CTXND2: variants seen among roughly 807,000 people sequenced by gnomAD.
The protein encoded by CTXND2 is cortexin domain containing 2.
rs587716831 is a variant in CTXND2 at position 150,906,018 on chromosome 1, G to A, written c.-73-6224G>A. ...AAAAAAAGAAGGATGAACTGGGGCC[G>A]GGTGTGGTGGCTCATGCCTATAATC... On this transcript the variant is annotated intron_variant, in intron 1 of 1. Transcript: ENST00000636087. Among the ~76,000 whole-genome samples, 15 of 151,864 alleles carry A rather than the reference G, an allele frequency of 9.9e-5. 1 individual carries two copies. Among genetic ancestry groups the A allele is most frequent in the Admixed American group, 3.9e-4 (6 of 15,214 alleles).
chr1:150,888,151 G>A (rs771135828), intron 1 of CTXND2, among the ~76,000 whole-genome samples: 22 of 151,612 alleles, frequency 1.5e-4, no homozygotes, highest in Non-Finnish European at 2.5e-4. Context: ...CTCAAGAAAA[G>A]CTATTTTGCA....
chr1:150,894,966 G>C (rs1016280165), intron 1 of CTXND2, among the ~76,000 whole-genome samples: 8 of 151,892 alleles, frequency 5.3e-5, no homozygotes, highest in African/African-American at 1.7e-4. Context: ...ACCAGGAGGA[G>C]GTTGTAGTGA....
chr1:150,900,592 C>T (rs903283134), intron 1 of CTXND2, among the ~76,000 whole-genome samples: 1 of 152,032 alleles, frequency 6.6e-6, no homozygotes, highest in Non-Finnish European at 1.5e-5. Context: ...AGGTTACAGT[C>T]AGCTGAGATT....
At chr1:150,899,800 A>T (rs1281864368) in intron 1 of CTXND2, among the ~76,000 whole-genome samples, 1 of 152,198 alleles carries the variant, frequency 6.6e-6, no homozygotes, top group African/African-American at 2.4e-5. Flanking sequence ...TACTAAAAAT[A>T]CAAAACACCA....
intron 1 of CTXND2, among the ~76,000 whole-genome samples, chr1:150,908,915 C>A (rs1434546622): frequency 6.6e-6 from 1 of 152,042 alleles, no homozygotes; most frequent in African/African-American, 2.4e-5. Flanking sequence ...CCACCGTGCC[C>A]AGCCCATTTT....
chr1:150,910,523 A>G (rs993208292), intron 1 of CTXND2, among the ~76,000 whole-genome samples: 3 of 152,148 alleles, frequency 2.0e-5, no homozygotes, highest in South Asian at 4.1e-4. Flanking sequence ...GCATGTGGCT[A>G]TCCAGTTGTC....
chr1:150,902,931 A>C (rs1669067328), intron 1 of CTXND2, among the ~76,000 whole-genome samples: 1 of 152,014 alleles, frequency 6.6e-6, no homozygotes, highest in African/African-American at 2.4e-5. Flanking sequence ...CCCCAAGAAA[A>C]CCTATTGCCT....
intron 1 of CTXND2, among the ~76,000 whole-genome samples, chr1:150,898,616 C>T (rs921107765): frequency 2.0e-5 from 3 of 150,414 alleles, no homozygotes; most frequent in Non-Finnish European, 3.0e-5. Context: ...ATTAGCTGGG[C>T]GTGGTGGTGC....
chr1:150,887,754 C>T (rs1223822735), intron 1 of CTXND2, among the ~76,000 whole-genome samples: 4 of 152,036 alleles, frequency 2.6e-5, no homozygotes, highest in African/African-American at 9.7e-5. Flanking sequence ...TTGCACTAAA[C>T]TTATGGCCAG....
chr1:150,903,755 G>A (rs1381794441), intron 1 of CTXND2: 8 of 340,736 alleles, frequency 2.3e-5, no homozygotes, highest in Non-Finnish European at 3.4e-5. Context: ...CAGAGATTGC[G>A]CCATTTTTGC....
At chr1:150,909,021 C>A (rs2102604286) in intron 1 of CTXND2, among the ~76,000 whole-genome samples, 1 of 152,022 alleles carries the variant, frequency 6.6e-6, no homozygotes, top group South Asian at 2.1e-4. Context: ...GGGCAGATCA[C>A]CTGAGGTCAG....
intron 1 of CTXND2, among the ~76,000 whole-genome samples, chr1:150,897,020 G>A (rs1161497733): frequency 1.3e-5 from 2 of 152,132 alleles, no homozygotes; most frequent in East Asian, 3.8e-4. Context: ...GAGAGGGGCA[G>A]GCAAAATTCA....
At chr1:150,895,362 G>A (rs1250302925) in intron 1 of CTXND2, among the ~76,000 whole-genome samples, 1 of 150,632 alleles carries the variant, frequency 6.6e-6, no homozygotes, top group Non-Finnish European at 1.5e-5. Context: ...TTAATTTTGT[G>A]TGACGAAGTC....
exon 2 of CTXND2, chr1:150,912,400 T>G: frequency 2.5e-6 from 1 of 398,582 alleles, no homozygotes; most frequent in Non-Finnish European, 4.4e-6. Context: ...CTGTTCCTAA[T>G]AGTGATGATT....
chr1:150,893,693 A>G (rs1668880162), intron 1 of CTXND2, among the ~76,000 whole-genome samples: 1 of 152,116 alleles, frequency 6.6e-6, no homozygotes, highest in Admixed American at 6.6e-5. Flanking sequence ...TCCTAGCCTC[A>G]AGCAATCCTG....
At chr1:150,902,382 G>C (rs1669054522) in intron 1 of CTXND2, among the ~76,000 whole-genome samples, 1 of 151,650 alleles carries the variant, frequency 6.6e-6, no homozygotes, top group Admixed American at 6.6e-5. Flanking sequence ...ACTCAAGCCT[G>C]GGCAACAGAG....
intron 1 of CTXND2, among the ~76,000 whole-genome samples, chr1:150,900,264 G>A (rs1391748625): frequency 6.6e-6 from 1 of 151,670 alleles, no homozygotes; most frequent in Non-Finnish European, 1.5e-5. Context: ...CGAGAGGAAC[G>A]AACAACTCCG....
chr1:150,889,990 G>A (rs890925303), intron 1 of CTXND2, among the ~76,000 whole-genome samples: 3 of 151,996 alleles, frequency 2.0e-5, no homozygotes, highest in African/African-American at 7.2e-5. Flanking sequence ...ATTGCTTCCC[G>A]ATACCTGAAA....
At chr1:150,892,764 C>T (rs1449731810) in intron 1 of CTXND2, among the ~76,000 whole-genome samples, 2 of 152,056 alleles carry the variant, frequency 1.3e-5, no homozygotes. Context: ...GTCTTGAACT[C>T]CTGACCTCAG....
Sources: gnomAD v4.1 joint callset for allele counts (sites outside exome capture counted in the v4.1 genomes callset) on GRCh38, gnomAD v4.1.1 for gene constraint, MANE v1.5 for transcripts, NCBI Gene and HGNC (gene_info 2026-07-23, HGNC 2026-07-21) for gene names.